FBXL7: variants seen among roughly 807,000 people sequenced by gnomAD.
The protein encoded by FBXL7 is F-box/LRR-repeat protein 7.
FBXL7 carries 12 observed loss-of-function variants against 38.3 expected under a neutral mutation model. That is an observed-to-expected ratio of 0.31 (90% CI 0.20 to 0.51). FBXL7 has a LOEUF of 0.51. Ranked by LOEUF, FBXL7 falls within the 20% of genes least tolerant of loss-of-function variation. The probability of loss-of-function intolerance (pLI) is 0.98; values close to 1 mark genes in which losing one functional copy is unlikely to be tolerated. For missense variants in FBXL7, 567 were observed against 676.4 expected, an observed-to-expected ratio of 0.84 and a Z score of 1.79; for synonymous variants, 297 against 300.9, an observed-to-expected ratio of 0.99 and a Z score of 0.13.
intron 1 of FBXL7, among the ~76,000 whole-genome samples, chr5:15,557,234 G>A (rs1738271410): frequency 6.6e-6 from 1 of 152,190 alleles, no homozygotes; most frequent in South Asian, 2.1e-4. Context: ...CACTGCGCCC[G>A]GCGGAGCCAG....
chr5:15,794,167 A>G (rs1227519652), intron 2 of FBXL7, among the ~76,000 whole-genome samples: 1 of 152,226 alleles, frequency 6.6e-6, no homozygotes, highest in African/African-American at 2.4e-5. Flanking sequence ...CACAAATGTT[A>G]TCTCTGTTGG....
chr5:15,640,522 G>GTT (rs58468117), intron 2 of FBXL7, among the ~76,000 whole-genome samples: 3 of 139,174 alleles, frequency 2.2e-5, no homozygotes, highest in African/African-American at 8.1e-5. Context: ...TTAGGGCTTT[G>GTT]TTTTTTTTTG....
chr5:15,865,337 T>C (rs1006401950), intron 2 of FBXL7, among the ~76,000 whole-genome samples: 2 of 152,170 alleles, frequency 1.3e-5, no homozygotes, highest in Admixed American at 1.3e-4. Flanking sequence ...TGAGACTGAT[T>C]AGATCCTGGT....
At chr5:15,511,997 A>G (rs1736808474) in intron 1 of FBXL7, among the ~76,000 whole-genome samples, 1 of 152,226 alleles carries the variant, frequency 6.6e-6, no homozygotes, top group Admixed American at 6.5e-5. Context: ...ACAACTCAGC[A>G]GGGGCTCCCT....
intron 3 of FBXL7, chr5:15,935,274 GT>G (rs1433957295): frequency 7.5e-6 from 4 of 533,548 alleles, no homozygotes; most frequent in Non-Finnish European, 3.8e-6. Context: ...CAAGCTTCGA[GT>G]TCCGTTTTCC....
chr5:15,578,880 G>A (rs1374197929), intron 1 of FBXL7, among the ~76,000 whole-genome samples: 1 of 152,202 alleles, frequency 6.6e-6, no homozygotes, highest in African/African-American at 2.4e-5. Flanking sequence ...ATATGGTTTT[G>A]TCATCCATGA....
Position 15,687,418 on chromosome 5 carries a change from T to A in FBXL7, c.127+71346T>A, listed in dbSNP as rs114774956. On this transcript the variant is annotated intron_variant, in intron 2 of 3. Transcript: ENST00000504595. The stretch of plus-strand genomic sequence containing the variant: ...CTCCCCACTTAGAACCTGCCCCTGT[T>A]CCTTTCACACCTTTGTTCTCCATCA... Among the ~76,000 whole-genome samples, 256 of 152,318 alleles carry A rather than the reference T, an allele frequency of 1.7e-3. No homozygotes were observed. The Middle Eastern group carries it at 0.017, about 10-fold the overall frequency.
intron 2 of FBXL7, among the ~76,000 whole-genome samples, chr5:15,788,954 C>T (rs1180685743): frequency 6.6e-6 from 1 of 151,422 alleles, no homozygotes; most frequent in Non-Finnish European, 1.5e-5. Context: ...GGGTTCATGC[C>T]ATTCTCCTGC....
chr5:15,565,468 T>G (rs957749481), intron 1 of FBXL7, among the ~76,000 whole-genome samples: 1 of 151,616 alleles, frequency 6.6e-6, no homozygotes, highest in African/African-American at 2.4e-5. Context: ...AGGAGATGTA[T>G]GTCTATAAAA....
At chr5:15,671,291 A>G (rs1267539531) in intron 2 of FBXL7, among the ~76,000 whole-genome samples, 2 of 152,194 alleles carry the variant, frequency 1.3e-5, no homozygotes, top group Non-Finnish European at 2.9e-5. Flanking sequence ...TCAGCTAACT[A>G]ACTCTTGCCC....
chr5:15,840,189 G>T (rs1041640814), intron 2 of FBXL7, among the ~76,000 whole-genome samples: 1 of 152,102 alleles, frequency 6.6e-6, no homozygotes, highest in African/African-American at 2.4e-5. Flanking sequence ...TATCCTAGAA[G>T]ACCTCAGGCT....
chr5:15,906,633 A>C (rs1320281134), intron 2 of FBXL7, among the ~76,000 whole-genome samples: 3 of 127,816 alleles, frequency 2.3e-5, no homozygotes, highest in Non-Finnish European at 4.9e-5. Flanking sequence ...GTCATCTAGC[A>C]TTAGGTATAT....
chr5:15,668,669 T>G (rs759866188), intron 2 of FBXL7, among the ~76,000 whole-genome samples: 1 of 152,134 alleles, frequency 6.6e-6, no homozygotes, highest in Non-Finnish European at 1.5e-5. Flanking sequence ...AGAAAGAACT[T>G]GGATCTCCAT....
intron 2 of FBXL7, among the ~76,000 whole-genome samples, chr5:15,645,409 A>C (rs972372282): frequency 3.3e-5 from 5 of 152,090 alleles, no homozygotes; most frequent in Admixed American, 1.3e-4. Flanking sequence ...TCTCTCACTT[A>C]TCTGTGACCT....
At chr5:15,929,876 TG>T (rs1374473168) in intron 3 of FBXL7, among the ~76,000 whole-genome samples, 1 of 151,952 alleles carries the variant, frequency 6.6e-6, no homozygotes, top group African/African-American at 2.4e-5. Context: ...TCAGGGAGTT[TG>T]GGGGAGGGGT....
chr5:15,551,962 G>C (rs1046048725), intron 1 of FBXL7, among the ~76,000 whole-genome samples: 2 of 152,144 alleles, frequency 1.3e-5, no homozygotes. Flanking sequence ...CATGGTTTTG[G>C]AGGAATTTAT....
chr5:15,692,040 CAG>C (rs760658119), intron 2 of FBXL7, among the ~76,000 whole-genome samples: 67 of 152,150 alleles, frequency 4.4e-4, no homozygotes, highest in Non-Finnish European at 8.8e-4. Flanking sequence ...GTGGATATGG[CAG>C]AGACTCTGCA....
At chr5:15,546,688 G>A (rs539086561) in intron 1 of FBXL7, among the ~76,000 whole-genome samples, 5 of 152,278 alleles carry the variant, frequency 3.3e-5, no homozygotes, top group Admixed American at 6.5e-5. Flanking sequence ...CTGAGATCAC[G>A]TCACTGCACT....
intron 1 of FBXL7, among the ~76,000 whole-genome samples, chr5:15,550,961 C>G (rs1000606017): frequency 3.9e-5 from 6 of 152,222 alleles, no homozygotes; most frequent in African/African-American, 1.4e-4. Context: ...ATGTTGAAAT[C>G]TAAATCTGGG....
Sources: allele counts gnomAD v4.1 joint callset (sites outside exome capture counted in the v4.1 genomes callset), GRCh38; gene constraint gnomAD v4.1.1; transcripts MANE v1.5; gene names NCBI Gene and HGNC (gene_info 2026-07-23, HGNC 2026-07-21).